CDH13: variants seen among roughly 807,000 people sequenced by gnomAD.
CDH13 encodes the protein cadherin-13.
In CDH13, 24 loss-of-function variants were observed where a neutral mutation model predicts 63.8. The observed-to-expected ratio is 0.38, with a 90% CI of 0.27 to 0.53. The LOEUF is 0.53. Among genes scored for constraint, CDH13 ranks in the 20% least tolerant of loss-of-function variants. CDH13 has a pLI of 0.85. For missense variants in CDH13, 1,049 were observed against 903.1 expected, an observed-to-expected ratio of 1.16 and a Z score of -2.07; for synonymous variants, 503 against 355.3, an observed-to-expected ratio of 1.42 and a Z score of -4.67.
chr16:82,884,096 G>T, intron 2 of CDH13: 1 of 443,974 alleles, frequency 2.3e-6, no homozygotes, highest in South Asian at 1.6e-5. Context: ...ATGTTCATTA[G>T]GTGAATAAAT....
At chr16:82,823,822 C>A (rs1266415194) in intron 1 of CDH13, 1 of 151,962 alleles carries the variant, frequency 6.6e-6, no homozygotes, top group African/African-American at 2.4e-5. Flanking sequence ...ATTTAAAATG[C>A]TAGAGAATTG....
At chr16:82,729,597 C>T (rs1370707139) in intron 1 of CDH13, among the ~76,000 whole-genome samples, 1 of 151,880 alleles carries the variant, frequency 6.6e-6, no homozygotes, top group African/African-American at 2.4e-5. Flanking sequence ...AGTAGCACTG[C>T]AAGAGTAATT....
intron 2 of CDH13, among the ~76,000 whole-genome samples, chr16:82,931,774 A>T (rs796368935): frequency 1.7e-4 from 26 of 152,284 alleles, no homozygotes; most frequent in African/African-American, 5.1e-4. Context: ...ATCTCATGAG[A>T]CTTATTTACT....
rs56114561 is a variant in CDH13 at position 83,776,782 on chromosome 16, C to G, written c.1682-3186C>G. The stretch of plus-strand genomic sequence containing the variant: ...GGTCATTGACTCCTCTTCCAATTCT[C>G]TCCTGCAAAACTAGCATCTGCTCTT... On this transcript the variant is annotated intron_variant, in intron 11 of 13. Coordinates refer to ENST00000567109, the MANE Select transcript of CDH13 (RefSeq NM_001257.5). 3.7e-3 allele frequency among the ~76,000 whole-genome samples: 566 copies of G among 152,306 alleles called. 2 individuals are homozygous for G. The highest frequency in any genetic ancestry group is 8.8e-3 in the Admixed American group (134 of 15,290).
chr16:82,661,495 G>A (rs953489281), intron 1 of CDH13, among the ~76,000 whole-genome samples: 10 of 152,250 alleles, frequency 6.6e-5, no homozygotes, highest in African/African-American at 2.2e-4. Context: ...GCAGCCAGCA[G>A]ACCTTCTTCC....
At chr16:83,494,569 G>T (rs1052272272) in intron 7 of CDH13, among the ~76,000 whole-genome samples, 6 of 152,174 alleles carry the variant, frequency 3.9e-5, no homozygotes, top group African/African-American at 1.4e-4. Context: ...AGAAAAGTTG[G>T]TTGAGAGTTT....
chr16:82,724,141 GT>G (rs1597408861), intron 1 of CDH13, among the ~76,000 whole-genome samples: 1 of 152,196 alleles, frequency 6.6e-6, no homozygotes, highest in East Asian at 1.9e-4. Context: ...GGGTAAAGAG[GT>G]TTTTTGTTAT....
chr16:83,468,548 G>A (rs1294566239), intron 6 of CDH13, among the ~76,000 whole-genome samples: 6 of 152,306 alleles, frequency 3.9e-5, no homozygotes, highest in African/African-American at 1.4e-4. Flanking sequence ...TGAAGGGTGA[G>A]CCATTTGCAT....
At chr16:83,204,555 G>A (rs1482119313) in intron 4 of CDH13, among the ~76,000 whole-genome samples, 1 of 152,166 alleles carries the variant, frequency 6.6e-6, no homozygotes, top group Non-Finnish European at 1.5e-5. Flanking sequence ...GAAGACAGGA[G>A]TGAGGCTCAG....
chr16:82,975,269 G>A lies in CDH13; in HGVS notation c.158-56741G>A, dbSNP rs1909339840. ...GGAAAGCAGAGATAAGGCTCCCAAG[G>A]GGCTACATGGAGAGTAAGTGGAGAC... is the stretch of plus-strand genomic sequence containing the variant. On this transcript the variant is annotated intron_variant, in intron 2 of 13. Coordinates refer to ENST00000567109, the MANE Select transcript of CDH13 (RefSeq NM_001257.5). Among the ~76,000 whole-genome samples, 6 of 152,194 alleles carry A rather than the reference G, an allele frequency of 3.9e-5. No individual in the cohort carries two copies. The South Asian group carries it at 1.2e-3, about 32-fold the overall frequency.
intron 6 of CDH13, among the ~76,000 whole-genome samples, chr16:83,452,671 G>C (rs1025860653): frequency 6.6e-6 from 1 of 152,056 alleles, no homozygotes; most frequent in African/African-American, 2.4e-5. Context: ...ATTTAAAGAA[G>C]CTTGCAATTA....
intron 7 of CDH13, among the ~76,000 whole-genome samples, chr16:83,577,787 T>A (rs1845665014): frequency 6.6e-6 from 1 of 152,236 alleles, no homozygotes; most frequent in Non-Finnish European, 1.5e-5. Context: ...TAATAAAGCT[T>A]AGTCTTTTAT....
intron 1 of CDH13, among the ~76,000 whole-genome samples, chr16:82,752,589 C>T (rs530467704): frequency 7.9e-5 from 12 of 152,306 alleles, no homozygotes; most frequent in Non-Finnish European, 1.3e-4. Flanking sequence ...CAGTTGTGAG[C>T]TATTCATGTG....
intron 3 of CDH13, among the ~76,000 whole-genome samples, chr16:83,095,522 A>G (rs1285089406): frequency 2.0e-5 from 3 of 152,218 alleles, no homozygotes; most frequent in Non-Finnish European, 4.4e-5. Flanking sequence ...TAACTATGTT[A>G]TAATGCAAAT....
intron 7 of CDH13, among the ~76,000 whole-genome samples, chr16:83,509,159 G>C (rs9926981): frequency 6.6e-6 from 1 of 152,128 alleles, no homozygotes; most frequent in Admixed American, 6.5e-5. Context: ...TCTTACCTCA[G>C]AGTTTCAAAG....
chr16:83,725,665 G>T (rs1307248577), intron 10 of CDH13: 3 of 152,236 alleles, frequency 2.0e-5, no homozygotes, highest in African/African-American at 7.2e-5. Context: ...AAAGTGATGG[G>T]CCAAGCAGGC....
At chr16:82,944,818 CCTAT>C (rs760858980) in intron 2 of CDH13, among the ~76,000 whole-genome samples, 2 of 151,984 alleles carry the variant, frequency 1.3e-5, no homozygotes, top group East Asian at 1.9e-4. Context: ...TACATTTGTA[CCTAT>C]CTATCTATTT....
rs10626791 is a variant in CDH13 at position 82,937,438 on chromosome 16, G to GACAC, written c.157+78985_157+78988dup. ...ACACATGCACACACACACACACACA[G>GACAC]ACACACACACACACACACACACAGT... On this transcript the variant is annotated intron_variant, in intron 2 of 13. Coordinates refer to ENST00000567109, the MANE Select transcript of CDH13 (RefSeq NM_001257.5). Among the ~76,000 whole-genome samples, 750 of 146,932 alleles carry GACAC rather than the reference G, an allele frequency of 5.1e-3. 9 individuals are homozygous for GACAC. Among genetic ancestry groups the GACAC allele is most frequent in the African/African-American group, 0.017 (702 of 40,370 alleles).
chr16:83,073,299 G>A (rs781311341), intron 3 of CDH13, among the ~76,000 whole-genome samples: 1 of 151,094 alleles, frequency 6.6e-6, no homozygotes, highest in Non-Finnish European at 1.5e-5. Flanking sequence ...CAAGGAATGG[G>A]CTCTCTCTTT....
Sources: allele counts gnomAD v4.1 joint callset (sites outside exome capture counted in the v4.1 genomes callset), GRCh38; gene constraint gnomAD v4.1.1; transcripts MANE v1.5; gene names NCBI Gene and HGNC (gene_info 2026-07-23, HGNC 2026-07-21).